Variants in EXT2 observed in about 807,000 individuals in gnomAD.
The protein encoded by EXT2 is exostosin-2.
Under a neutral mutation model 81.6 loss-of-function variants are expected in EXT2, and 53 were observed. That is an observed-to-expected ratio of 0.65 (90% CI 0.52 to 0.82). The LOEUF is 0.82. EXT2 is among the 40% of genes least tolerant of loss of function. The probability of loss-of-function intolerance (pLI) is 0.00; values close to 1 mark genes in which losing one functional copy is unlikely to be tolerated. For synonymous variants in EXT2, 320 were observed against 340.0 expected (o/e 0.94, Z 0.65); for missense variants, 774 against 910.2 (o/e 0.85, Z 1.93).
At chr11:44,195,331 G>A (rs1310993741) in intron 8 of EXT2, among the ~76,000 whole-genome samples, 1 of 152,056 alleles carries the variant, frequency 6.6e-6, no homozygotes, top group African/African-American at 2.4e-5. Flanking sequence ...CTACTTGGGA[G>A]GCTGAGACAG....
chr11:44,232,580 G>C, intron 11 of EXT2, 84 bp downstream of exon 11: 1 of 1,540,926 alleles, frequency 6.5e-7, no homozygotes, highest in South Asian at 1.2e-5. Flanking sequence ...TTTCATACCT[G>C]CCAAGAGGGC....
chr11:44,147,653 C>T (rs576880918), intron 7 of EXT2, among the ~76,000 whole-genome samples: 306 of 151,982 alleles, frequency 2.0e-3, no homozygotes, highest in Non-Finnish European at 3.7e-3. Flanking sequence ...CTCCGCCTCC[C>T]GGGTTCACGC....
At chr11:44,155,844 C>G (rs1256379076) in intron 7 of EXT2, among the ~76,000 whole-genome samples, 1 of 152,164 alleles carries the variant, frequency 6.6e-6, no homozygotes, top group Non-Finnish European at 1.5e-5. Flanking sequence ...TTTGTACCTT[C>G]AGACGATTTC....
Position 44,133,251 on chromosome 11 carries a change from A to G in EXT2, c.1173+3113A>G, listed in dbSNP as rs140152150. Among the ~76,000 whole-genome samples the G allele has an allele frequency of 7.9e-3, 1,199 of 152,260 alleles. 11 individuals are homozygous for G. The highest frequency in any genetic ancestry group is 0.012 in the Non-Finnish European group (828 of 68,006). On this transcript the variant is annotated intron_variant, in intron 7 of 13. Coordinates refer to ENST00000533608, the MANE Select transcript of EXT2 (RefSeq NM_207122.2). Reference sequence around the variant, plus strand: ...TCATTTTGCTTTCTGTTTACCTTCTATTGATTTAACCTGACCTTGGCAGGA... The same window carrying G: ...TCATTTTGCTTTCTGTTTACCTTCTGTTGATTTAACCTGACCTTGGCAGGA...
intron 11 of EXT2, among the ~76,000 whole-genome samples, chr11:44,232,976 T>C (rs904489557): frequency 6.6e-6 from 1 of 152,214 alleles, no homozygotes; most frequent in African/African-American, 2.4e-5. Context: ...ACTTTCTAAA[T>C]TTTTGCTATT....
intron 7 of EXT2, among the ~76,000 whole-genome samples, chr11:44,146,095 A>G (rs542367307): frequency 5.3e-5 from 8 of 152,338 alleles, no homozygotes; most frequent in Non-Finnish European, 1.2e-4. Context: ...TGTCTCGCAG[A>G]TGGCTGCCCT....
chr11:44,170,915 C>T (rs1955063916), intron 7 of EXT2, among the ~76,000 whole-genome samples: 2 of 151,884 alleles, frequency 1.3e-5, no homozygotes. Context: ...CCTCTAAAAC[C>T]TTTCAGGGAA....
chr11:44,224,896 A>G (rs1955822293), intron 10 of EXT2, among the ~76,000 whole-genome samples: 1 of 152,210 alleles, frequency 6.6e-6, no homozygotes, highest in Non-Finnish European at 1.5e-5. Context: ...AGGCCCAATA[A>G]TAGTTGTTTA....
At chr11:44,237,709 A>C (rs1308172609) in intron 13 of EXT2, among the ~76,000 whole-genome samples, 2 of 152,088 alleles carry the variant, frequency 1.3e-5, no homozygotes, top group African/African-American at 4.8e-5. Context: ...CTTGAAGTTC[A>C]TGCTGAGGCT....
chr11:44,235,465 T>G (rs1431611230), intron 12 of EXT2, among the ~76,000 whole-genome samples: 1 of 151,970 alleles, frequency 6.6e-6, no homozygotes, highest in Non-Finnish European at 1.5e-5. Context: ...AGGCTGGTCT[T>G]GAACTCCTGA....
intron 11 of EXT2, among the ~76,000 whole-genome samples, chr11:44,232,948 T>G (rs1211809413): frequency 6.6e-6 from 1 of 152,214 alleles, no homozygotes; most frequent in Non-Finnish European, 1.5e-5. Flanking sequence ...GTATAACTAT[T>G]TTGCTATCGT....
In EXT2 at chr11:44,139,734, C is replaced by T. The variant is rs76919144; in HGVS notation, c.1173+9596C>T. On this transcript the variant is annotated intron_variant, in intron 7 of 13. Transcript: ENST00000533608. ...AAATCTGCAGCTCATTTTAATGCCACGTTAAAACAGTGTGAGCGGCTGGTT... is the reference window on the plus strand; with the variant it reads ...AAATCTGCAGCTCATTTTAATGCCATGTTAAAACAGTGTGAGCGGCTGGTT... Among the ~76,000 whole-genome samples, 19 of 152,264 alleles carry T rather than the reference C, an allele frequency of 1.2e-4. 1 individual carries two copies. The East Asian group carries it at 3.7e-3, about 29-fold the overall frequency.
chr11:44,200,217 C>T (rs1159122756), intron 9 of EXT2, among the ~76,000 whole-genome samples: 1 of 149,854 alleles, frequency 6.7e-6, no homozygotes, highest in East Asian at 1.9e-4. Flanking sequence ...TTTTCGCTTT[C>T]TCTACATTTA....
intron 10 of EXT2, among the ~76,000 whole-genome samples, chr11:44,210,231 T>A (rs910358931): frequency 6.6e-6 from 1 of 152,162 alleles, no homozygotes; most frequent in Middle Eastern, 3.2e-3. Flanking sequence ...TAGGCAAAAA[T>A]TGGAGAAAAT....
chr11:44,251,091 G>T lies in EXT2; in HGVS notation c.*6804G>T. 6.6e-6 allele frequency among the ~76,000 whole-genome samples: 1 copy of T among 152,224 alleles called. No homozygotes were observed. Among genetic ancestry groups the T allele is most frequent in the Non-Finnish European group, 1.5e-5 (1 of 68,016 alleles). On this transcript the variant is annotated 3_prime_UTR_variant, in exon 14 of 14. Coordinates refer to ENST00000533608, the MANE Select transcript of EXT2 (RefSeq NM_207122.2). ...AGTTCCAATAATTTTTTTCCTAACA[G>T]CCTTTTTGTCACCAGTTGGTTTGAT...
At chr11:44,172,583 CTTTT>C (rs35070892) in intron 8 of EXT2, among the ~76,000 whole-genome samples, 7 of 107,386 alleles carry the variant, frequency 6.5e-5, no homozygotes, top group Non-Finnish European at 1.0e-4. Context: ...TCTACCTTTT[CTTTT>C]TTTTTTTTTT....
rs1012720776 is a variant in EXT2, at chr11:44,245,608, T to G, written c.*1321T>G. 3.9e-5 allele frequency among the ~76,000 whole-genome samples: 6 copies of G among 152,220 alleles called. No individual in the cohort carries two copies. The highest frequency in any genetic ancestry group is 1.4e-4 in the African/African-American group (6 of 41,458). On this transcript the variant is annotated 3_prime_UTR_variant, in exon 14 of 14. Transcript: ENST00000533608. ...AAAATACATAACAATTTGCTTAGAA[T>G]ATGGATATAATTACAGAAACCTAGT... is the stretch of plus-strand genomic sequence containing the variant.
chr11:44,235,491 C>G (rs1955952497), intron 12 of EXT2, among the ~76,000 whole-genome samples: 1 of 151,954 alleles, frequency 6.6e-6, no homozygotes, highest in South Asian at 2.1e-4. Flanking sequence ...GGCAGTCCAC[C>G]CGCTTCGGCC....
chr11:44,235,594 T>C (rs1267413633), intron 12 of EXT2, among the ~76,000 whole-genome samples: 2 of 152,278 alleles, frequency 1.3e-5, no homozygotes, highest in Non-Finnish European at 2.9e-5. Context: ...CTGTGGCTGC[T>C]TACTCTGGAC....
Sources: allele counts gnomAD v4.1 joint callset (sites outside exome capture counted in the v4.1 genomes callset), GRCh38; gene constraint gnomAD v4.1.1; transcripts MANE v1.5; gene names NCBI Gene and HGNC (gene_info 2026-07-23, HGNC 2026-07-21).